The following HERC2 variants were observed in gnomAD, a reference collection of about 807,000 sequenced individuals.
The protein encoded by HERC2 is E3 ubiquitin-protein ligase HERC2.
A neutral mutation model predicts 537.7 loss-of-function variants in HERC2; 102 were observed. The ratio of observed to expected loss-of-function variants is 0.19; its 90% CI spans 0.16 to 0.22. The LOEUF (loss-of-function observed/expected upper bound fraction) is 0.22, where lower values mean the gene tolerates loss of function less well. Ranked by LOEUF, HERC2 falls within the 10% of genes least tolerant of loss-of-function variation. The pLI, the probability that HERC2 is intolerant of heterozygous loss-of-function variation, is 1.00. For synonymous variants in HERC2, 2,224 were observed against 2,466.2 expected, an observed-to-expected ratio of 0.90 and a Z score of 2.91; for missense variants, 4,236 against 6,198.2, an observed-to-expected ratio of 0.68 and a Z score of 10.63.
Position 28,198,805 on chromosome 15 carries a change from A to T in HERC2, c.7717-36T>A, listed in dbSNP as rs369070867. On this transcript the variant is annotated intron_variant, in intron 48 of 92. Transcript: ENST00000261609. Reference sequence around the variant, plus strand: ...AATGAAATTGGAGATCCAGTCCATCATGTACACAGGTGAAATGAGCCATGA... The same window carrying T: ...AATGAAATTGGAGATCCAGTCCATCTTGTACACAGGTGAAATGAGCCATGA... The T allele has an allele frequency of 6.9e-4, 1,076 of 1,559,240 alleles. 2 individuals are homozygous for T. Among genetic ancestry groups the T allele is most frequent in the Admixed American group, 1.7e-3 (97 of 57,848 alleles).
chr15:28,254,059 G>A (rs1328086316), intron 20 of HERC2, among the ~76,000 whole-genome samples: 18 of 147,318 alleles, frequency 1.2e-4, no homozygotes, highest in Admixed American at 2.0e-4. Context: ...CAAGGCGGGC[G>A]GATCACCTGA....
At chr15:28,199,697 C>A (rs1454840485) in intron 48 of HERC2, among the ~76,000 whole-genome samples, 1 of 152,130 alleles carries the variant, frequency 6.6e-6, no homozygotes, top group African/African-American at 2.4e-5. Flanking sequence ...GCTGACAAGA[C>A]CTAACCCACC....
In HERC2 at chr15:28,246,764, G is replaced by A. The variant is rs1422536508; in HGVS notation, c.3369C>T (p.Tyr1123=). 6.2e-7 allele frequency: 1 copy of A among 1,600,560 alleles called. No individual in the cohort carries two copies. The highest frequency in any genetic ancestry group is 8.5e-7 in the Non-Finnish European group (1 of 1,174,870). ...TSWRHFAEVA[Y]IVEGDFTGVL... ...TACCAGTAAAGTCCCCTTCCACAAT[G>A]TAAGCCACCTCCGCGAAGTGCCGCC... Residue 1123 remains tyrosine (Y), a synonymous_variant, in exon 22 of 93, where the codon TAC becomes TAT. Coordinates refer to ENST00000261609, the MANE Select transcript of HERC2 (RefSeq NM_004667.6).
Position 28,233,222 on chromosome 15 carries a change from C to T in HERC2, c.4599G>A (p.Lys1533=). Residue 1533 remains lysine, a synonymous_variant, in exon 30 of 93, where the codon AAG becomes AAA. Coordinates refer to ENST00000261609, the MANE Select transcript of HERC2 (RefSeq NM_004667.6). ...GGGGCAAAGAACTTAACAATTTAAA[C>T]TTAGACATTATAGAGAGGTCATTAC... The part of the protein sequence containing the change: ...AVCNDLSIMS[K]FKLLSSLPRW... The T allele has an allele frequency of 6.2e-7, 1 of 1,610,154 alleles. No individual in the cohort carries two copies. Among genetic ancestry groups the T allele is most frequent in the Non-Finnish European group, 8.5e-7 (1 of 1,178,464 alleles).
At position 28,307,149 on chromosome 15, in the gene HERC2, T is replaced by C. The variant is rs545116274; in HGVS notation, c.73-7633A>G. ...CACGCCCGGCCTGCAAACTTATCTA[T>C]TTCTTCCACGTTTCCCAATTTATTG... On this transcript the variant is annotated intron_variant, in intron 2 of 92. Transcript: ENST00000261609. 1.4e-4 allele frequency among the ~76,000 whole-genome samples: 22 copies of C among 152,308 alleles called. No homozygotes were observed. In the East Asian group the frequency reaches 4.1e-3, roughly 28 times the overall value.
chr15:28,198,888 C>G, intron 48 of HERC2, 119 bp from the exon 49 acceptor site: 1 of 966,780 alleles, frequency 1.0e-6, no homozygotes, highest in South Asian at 1.7e-5. Context: ...TGGCTCACGT[C>G]TGTAATCCTA....
At chr15:28,145,704 G>A (rs1394720390) in intron 71 of HERC2, among the ~76,000 whole-genome samples, 1 of 152,152 alleles carries the variant, frequency 6.6e-6, no homozygotes, top group African/African-American at 2.4e-5. Context: ...GGTCTTAAAA[G>A]GTGCATACAC....
intron 56 of HERC2, among the ~76,000 whole-genome samples, chr15:28,185,746 A>T (rs542031583): frequency 2.0e-5 from 3 of 152,282 alleles, no homozygotes; most frequent in African/African-American, 4.8e-5. Flanking sequence ...CCTGGGGGGA[A>T]GTTTTCCTTG....
rs758780862 is a variant in HERC2, at chr15:28,176,416, A to G, written c.9686+12T>C. ...AAGCACACACAGTGTGACAGGGAGG[A>G]CGTTTACGTACCATGTCCACACCAC... On this transcript the variant is annotated intron_variant, in intron 63 of 92. Transcript: ENST00000261609. This position sits in a 1 kb window ranked among gnomAD's most constrained non-coding sequence, Gnocchi z 5.0. 2 of 1,613,404 alleles carry G rather than the reference A, an allele frequency of 1.2e-6. No homozygotes were observed. Among genetic ancestry groups the G allele is most frequent in the South Asian group, 2.2e-5 (2 of 91,050 alleles).
intron 68 of HERC2, among the ~76,000 whole-genome samples, chr15:28,164,972 C>A (rs1893980555): frequency 6.6e-6 from 1 of 152,198 alleles, no homozygotes; most frequent in Admixed American, 6.5e-5. Flanking sequence ...GCAGTAACAG[C>A]ATAATAAATC....
chr15:28,233,844 T>C (rs377036417), intron 27 of HERC2, 48 bp from the exon 28 acceptor site: 4 of 1,600,700 alleles, frequency 2.5e-6, no homozygotes, highest in Non-Finnish European at 3.4e-6. Flanking sequence ...CCAGTGAGTC[T>C]TCACAAATCT....
At chr15:28,207,283 C>CGCCA (rs1898581295) in intron 44 of HERC2, among the ~76,000 whole-genome samples, 1 of 152,020 alleles carries the variant, frequency 6.6e-6, no homozygotes, top group Non-Finnish European at 1.5e-5. Context: ...TACAGGCACA[C>CGCCA]GCCACCACGC....
At chr15:28,191,318 T>C (rs1294061500) in intron 53 of HERC2, 74 bp from the exon 54 acceptor site, 3 of 889,308 alleles carry the variant, frequency 3.4e-6, no homozygotes, top group Admixed American at 2.3e-5. Context: ...AATAGTATCG[T>C]TGAAGCTTGA....
intron 5 of HERC2, among the ~76,000 whole-genome samples, chr15:28,278,390 A>AC (rs2075934394): frequency 6.6e-6 from 1 of 152,160 alleles, no homozygotes; most frequent in Non-Finnish European, 1.5e-5. Context: ...AAACAAACAA[A>AC]AAAAAATCAT....
rs1331792950 is a variant in HERC2, at chr15:28,192,064, G to C, written c.8348C>G (p.Ser2783Cys). 1 of 1,614,076 alleles carries C rather than the reference G, an allele frequency of 6.2e-7. No individual in the cohort carries two copies. The highest frequency in any genetic ancestry group is 1.7e-5 in the Admixed American group (1 of 60,026). The change falls in exon 53 of 93, where the codon TCC becomes TGC. Residue 2783 changes from serine to cysteine, a missense_variant. This residue lies in a region of HERC2 where 606 missense variants were observed against 884.5 expected (regional missense o/e 0.69). Coordinates refer to ENST00000261609, the MANE Select transcript of HERC2 (RefSeq NM_004667.6). ...CACATTCAGGCTCTTCACCATGCGG[G>C]ACCAGCTGTCCAGCAGCATGCCTGG... The part of the protein sequence containing the change: ...SQPGMLLDSW[S>C]RMVKSLNVSS...
At chr15:28,285,786 T>C (rs1596391241) in intron 4 of HERC2, among the ~76,000 whole-genome samples, 1 of 116,134 alleles carries the variant, frequency 8.6e-6, no homozygotes. Flanking sequence ...CTGACAAACC[T>C]CTCTAAGCAT....
Position 28,233,085 on chromosome 15 carries a change from T to A in HERC2, c.4675+61A>T, listed in dbSNP as rs182299450. The A allele has an allele frequency of 8.3e-4, 1,074 of 1,293,046 alleles. 2 individuals are homozygous for A. The highest frequency in any genetic ancestry group is 1.9e-3 in the Admixed American group (106 of 54,848). The allele number at this position is 1,293,046 out of a possible 1,614,324, so 80.1% of individuals were successfully genotyped here. A position where few individuals can be genotyped will look rare whatever the true frequency, so the allele number is the denominator to read the frequency against. ...AGAAACTTCACTCTGAAATCACAGA[T>A]CCAATGTGGCAGGGTGAAGCACAAG... On this transcript the variant is annotated intron_variant, in intron 30 of 92. Transcript: ENST00000261609.
intron 35 of HERC2, among the ~76,000 whole-genome samples, chr15:28,227,626 C>T (rs373446905): frequency 8.6e-5 from 13 of 151,974 alleles, no homozygotes; most frequent in East Asian, 3.9e-4. Flanking sequence ...ACCATATGAC[C>T]CTGTAATTCC....
chr15:28,115,161 C>G (rs1211792041), intron 89 of HERC2: 1 of 515,422 alleles, frequency 1.9e-6, no homozygotes, highest in Non-Finnish European at 3.4e-6. Flanking sequence ...GACTCACGGC[C>G]CCCAGCTGCC....
Sources: allele counts gnomAD v4.1 joint callset (sites outside exome capture counted in the v4.1 genomes callset), GRCh38; gene constraint gnomAD v4.1.1; regional missense constraint gnomAD v4.1.1; non-coding constraint Gnocchi (gnomAD v3.1); transcripts MANE v1.5; gene names NCBI Gene and HGNC (gene_info 2026-07-23, HGNC 2026-07-21).